FRMPD4: variants seen among roughly 807,000 people sequenced by gnomAD.
FRMPD4 encodes the protein FERM and PDZ domain-containing protein 4.
Under a neutral mutation model 94.1 loss-of-function variants are expected in FRMPD4, and 22 were observed. That is an observed-to-expected ratio of 0.23 (90% CI 0.17 to 0.33). The LOEUF (loss-of-function observed/expected upper bound fraction) is 0.33. Among genes scored for constraint, FRMPD4 ranks in the 10% least tolerant of loss-of-function variants. FRMPD4 has a pLI of 1.00. For synonymous variants in FRMPD4, 631 were observed against 548.6 expected, an observed-to-expected ratio of 1.15 and a Z score of -2.10; for missense variants, 1,111 against 1,339.9, an observed-to-expected ratio of 0.83 and a Z score of 2.67.
At chrX:12,046,334 G>T (rs189701421) in intron 3 of FRMPD4, among the ~76,000 whole-genome samples, 2 of 110,874 alleles carry the variant, frequency 1.8e-5, no homozygotes, top group Non-Finnish European at 3.8e-5. Flanking sequence ...TGATACCACC[G>T]CAGAGGTCAT....
intron 1 of FRMPD4, among the ~76,000 whole-genome samples, chrX:12,234,846 G>C (rs1263514321): frequency 1.8e-5 from 2 of 111,993 alleles, no homozygotes; most frequent in Admixed American, 1.9e-4. Flanking sequence ...CTGGGGAGAA[G>C]ACAGAGATCA....
intron 1 of FRMPD4, among the ~76,000 whole-genome samples, chrX:12,216,519 C>T (rs2056808913): frequency 8.9e-6 from 1 of 111,797 alleles, no homozygotes; most frequent in South Asian, 3.7e-4. Flanking sequence ...TCACCAATGA[C>T]ACATTATAAG....
chrX:12,382,016 A>T (rs1359458698), intron 1 of FRMPD4, among the ~76,000 whole-genome samples: 1 of 110,875 alleles, frequency 9.0e-6, no homozygotes, highest in Admixed American at 9.6e-5. Flanking sequence ...TGGAGAATGA[A>T]GGAGCCCAAA....
rs374842345 is a variant in FRMPD4 at position 12,542,652 on chromosome X, G to A, written c.158+43856G>A. On this transcript the variant is annotated intron_variant, in intron 2 of 16. Transcript: ENST00000675598. ...TAGAAGAATCAATATCATGAAAATG[G>A]CCATACTGCCCAAGGTAATTCATAG... is the stretch of plus-strand genomic sequence containing the variant. Among the ~76,000 whole-genome samples the A allele has an allele frequency of 1.1e-4, 12 of 111,633 alleles. No homozygotes were observed. The East Asian group carries it at 2.5e-3, about 23-fold the overall frequency.
At chrX:12,343,248 A>G (rs1007199632) in intron 1 of FRMPD4, among the ~76,000 whole-genome samples, 32 of 112,001 alleles carry the variant, frequency 2.9e-4, no homozygotes, top group Admixed American at 9.5e-4. Context: ...GACCCTGTCC[A>G]TTACTGGTTA....
At chrX:12,290,293 C>G (rs144033388) in intron 1 of FRMPD4, among the ~76,000 whole-genome samples, 1 of 112,117 alleles carries the variant, frequency 8.9e-6, no homozygotes, top group Non-Finnish European at 1.9e-5. Flanking sequence ...TGATTCAAGA[C>G]TTAATTTTCT....
At chrX:11,831,810 A>G (rs2053476534) in intron 1 of FRMPD4, among the ~76,000 whole-genome samples, 1 of 112,002 alleles carries the variant, frequency 8.9e-6, no homozygotes, top group African/African-American at 3.2e-5. Flanking sequence ...ACCAAGAGAA[A>G]TAAGGATGGG....
At chrX:12,688,773 C>T (rs1438954855) in intron 7 of FRMPD4, among the ~76,000 whole-genome samples, 1 of 87,150 alleles carries the variant, frequency 1.1e-5, no homozygotes, top group Non-Finnish European at 2.2e-5. Context: ...TGAAATTCAA[C>T]ATAGTCAAGG....
chrX:11,926,258 C>CAAAAAAAAAAAAAA (rs763084115), intron 3 of FRMPD4, among the ~76,000 whole-genome samples: 1 of 30,712 alleles, frequency 3.3e-5, no homozygotes. Context: ...GCTTACCAAC[C>CAAAAAAAAAAAAAA]AAAAAAAAAA....
At chrX:12,465,426 A>C (rs766242186) in intron 1 of FRMPD4, among the ~76,000 whole-genome samples, 37 of 111,400 alleles carry the variant, frequency 3.3e-4, no homozygotes, top group Admixed American at 4.8e-4. Flanking sequence ...GCTCATCAGC[A>C]CTAGGGCCAA....
chrX:12,429,478 A>G (rs1414843043), intron 1 of FRMPD4, among the ~76,000 whole-genome samples: 2 of 111,605 alleles, frequency 1.8e-5, no homozygotes, highest in African/African-American at 6.5e-5. Context: ...TGCTTCTCCC[A>G]TTAGCACCCC....
chrX:12,230,609 A>T (rs2056973378), intron 1 of FRMPD4, among the ~76,000 whole-genome samples: 1 of 109,580 alleles, frequency 9.1e-6, no homozygotes. Context: ...ATGTATAGTG[A>T]TACCAGGTGG....
rs559505392 is a variant in FRMPD4 at position 11,903,626 on chromosome X, A to T, written c.95+25608A>T. ...ATGTCAGAAACCCAATATTCGAATC[A>T]TAGTTGTAAATTTAGATTATTTGTT... On this transcript the variant is annotated intron_variant, in intron 3 of 18. Coordinates refer to the FRMPD4 transcript ENST00000640291. 3.6e-4 allele frequency among the ~76,000 whole-genome samples: 40 copies of T among 112,661 alleles called. No homozygotes were observed. The South Asian group carries it at 5.1e-3, about 14-fold the overall frequency.
intron 3 of FRMPD4, among the ~76,000 whole-genome samples, chrX:12,125,098 T>G (rs1357873199): frequency 8.9e-6 from 1 of 112,052 alleles, no homozygotes; most frequent in Admixed American, 9.5e-5. Flanking sequence ...CTTGAGAGAA[T>G]GCTTGGAGCC....
chrX:12,619,205 G>A (rs1419217234), intron 4 of FRMPD4, among the ~76,000 whole-genome samples: 2 of 111,850 alleles, frequency 1.8e-5, no homozygotes, highest in African/African-American at 6.5e-5. Flanking sequence ...TTATAGTTAT[G>A]GCTATTTATC....
In FRMPD4 at chrX:12,138,933, C is replaced by T; in HGVS notation, c.-39C>T. 9.0e-7 allele frequency: 1 copy of T among 1,106,938 alleles called. No homozygotes were observed. The highest frequency in any genetic ancestry group is 3.4e-5 in the East Asian group (1 of 29,781). The allele number at this position is 1,106,938 out of a possible 1,213,427, so 91.2% of individuals were successfully genotyped here. On this transcript the variant is annotated 5_prime_UTR_variant, in exon 1 of 17. Transcript: ENST00000675598. ...CTGCTGTTGCTGGCGTGAGAAGGGG[C>T]GACGGAGTTGTCGCGCTCGGGGGTC...
At chrX:11,987,382 A>C (rs1211041934) in intron 3 of FRMPD4, among the ~76,000 whole-genome samples, 1 of 111,299 alleles carries the variant, frequency 9.0e-6, no homozygotes, top group Non-Finnish European at 1.9e-5. Context: ...GCTTCACAAT[A>C]AAAGCCCTCA....
At chrX:12,584,246 T>C (rs1030730426) in intron 2 of FRMPD4, among the ~76,000 whole-genome samples, 1 of 112,113 alleles carries the variant, frequency 8.9e-6, no homozygotes, top group Non-Finnish European at 1.9e-5. Flanking sequence ...TTAAACATAG[T>C]GTTTGGAGCG....
intron 3 of FRMPD4, among the ~76,000 whole-genome samples, chrX:11,947,526 C>T (rs5979496): frequency 0.35 from 38,459 of 110,498 alleles, 5,375 homozygotes; most frequent in East Asian, 0.82. Flanking sequence ...TGTGAGTCTT[C>T]AGGGCAAAAA....
Sources: gnomAD v4.1 joint callset for allele counts (sites outside exome capture counted in the v4.1 genomes callset) on GRCh38, gnomAD v4.1.1 for gene constraint, MANE v1.5 for transcripts, NCBI Gene and HGNC (gene_info 2026-07-23, HGNC 2026-07-21) for gene names.